Variants in ADAM12 observed in about 807,000 individuals in gnomAD.
ADAM12 encodes the protein ADAM metallopeptidase domain 12, also known as disintegrin and metalloproteinase domain-containing protein 12.
ADAM12 carries 70 observed loss-of-function variants against 106.4 expected under a neutral mutation model. That is an observed-to-expected ratio of 0.66 (90% CI 0.54 to 0.80). The LOEUF is 0.80. ADAM12 is among the 30% of genes least tolerant of loss of function. The pLI is 0.00. For synonymous variants in ADAM12, 420 were observed against 433.5 expected (o/e 0.97, Z 0.39); for missense variants, 1,010 against 1,171.9 (o/e 0.86, Z 2.02).
At chr10:126,218,061 T>G (rs1291605912) in intron 3 of ADAM12, among the ~76,000 whole-genome samples, 1 of 152,072 alleles carries the variant, frequency 6.6e-6, no homozygotes, top group Non-Finnish European at 1.5e-5. Context: ...AAATAAGGAT[T>G]TTTTGGTACT....
Position 126,020,851 on chromosome 10 carries a change from G to T in ADAM12, c.2530-1026C>A, listed in dbSNP as rs1463297697. On this transcript the variant is annotated intron_variant, in intron 21 of 22. Transcript: ENST00000448723. ...ACTAAAAATACCAAAAATTAGCCTA[G>T]CATGGTGGCACATGCCTGTAATCCC... Among the ~76,000 whole-genome samples the T allele has an allele frequency of 5.3e-5, 8 of 151,968 alleles. No homozygotes were observed. In the East Asian group the frequency reaches 1.5e-3, roughly 29 times the overall value.
At chr10:126,134,730 C>T (rs904405818) in intron 5 of ADAM12, among the ~76,000 whole-genome samples, 3 of 152,196 alleles carry the variant, frequency 2.0e-5, no homozygotes, top group Admixed American at 6.5e-5. Context: ...CACACAGAAC[C>T]TGCAAAGACG....
intron 1 of ADAM12, among the ~76,000 whole-genome samples, chr10:126,370,351 T>C (rs1309889208): frequency 6.6e-6 from 1 of 152,238 alleles, no homozygotes; most frequent in East Asian, 1.9e-4. Context: ...TTTACAAGTA[T>C]TTTCTACAGC....
intron 3 of ADAM12, among the ~76,000 whole-genome samples, chr10:126,258,814 C>T (rs1321245717): frequency 6.6e-6 from 1 of 152,142 alleles, no homozygotes; most frequent in Non-Finnish European, 1.5e-5. Flanking sequence ...ACCAAGACAC[C>T]TTTCTTTCCC....
intron 3 of ADAM12, among the ~76,000 whole-genome samples, chr10:126,239,887 A>G (rs1306965293): frequency 6.6e-6 from 1 of 152,238 alleles, no homozygotes; most frequent in Admixed American, 6.5e-5. Flanking sequence ...TGGAATCCAT[A>G]TAGTAGGTCC....
intron 11 of ADAM12, among the ~76,000 whole-genome samples, chr10:126,074,507 G>GAGAAC (rs1475269276): frequency 6.6e-6 from 1 of 152,212 alleles, no homozygotes; most frequent in Non-Finnish European, 1.5e-5. Context: ...TGTAGGAGAG[G>GAGAAC]AGAACAGAAC....
chr10:126,377,192 T>A (rs549868063), intron 1 of ADAM12, among the ~76,000 whole-genome samples: 22 of 152,322 alleles, frequency 1.4e-4, no homozygotes, highest in African/African-American at 5.3e-4. Flanking sequence ...GGCTTCAGTG[T>A]CTGCCCTCTG....
chr10:126,300,046 A>AGAATAAAAATATCTTGAATTCATAAATG (rs1960553934), intron 2 of ADAM12, among the ~76,000 whole-genome samples: 1 of 152,222 alleles, frequency 6.6e-6, no homozygotes, highest in Non-Finnish European at 1.5e-5. Flanking sequence ...TTACCTTTGT[A>AGAATAAAAATATCTTGAATTCATAAATG]GAATAAAAAT....
intron 3 of ADAM12, among the ~76,000 whole-genome samples, chr10:126,253,402 T>C (rs1958824422): frequency 1.3e-5 from 2 of 152,236 alleles, no homozygotes; most frequent in East Asian, 3.9e-4. Context: ...AGTCGTTCCT[T>C]TTAGCATGAT....
chr10:126,234,914 G>A lies in ADAM12; in HGVS notation c.260+44001C>T, dbSNP rs576017238. 3.0e-4 allele frequency among the ~76,000 whole-genome samples: 46 copies of A among 152,336 alleles called. No homozygotes were observed. The South Asian group carries it at 3.3e-3, about 11-fold the overall frequency. ...GGGCACGTGGAGAGACCTACAAATC[G>A]TAAGGTGGCATGAACAAGGCATCAC... On this transcript the variant is annotated intron_variant, in intron 3 of 22. Coordinates refer to ENST00000448723, the MANE Select transcript of ADAM12 (RefSeq NM_001288973.2).
Position 126,043,284 on chromosome 10 carries a change from A to G in ADAM12, c.1996-136T>C. ...AGACTCAGCACACGCCATGGTGCGA[A>G]TAAGCCCAAAGCCGGCACTACACAC... On this transcript the variant is annotated intron_variant, in intron 17 of 22. Transcript: ENST00000448723. The surrounding 1 kb of genome is among the most constrained non-coding windows in gnomAD (Gnocchi z 4.1). The G allele has an allele frequency of 2.5e-6, 2 of 802,440 alleles. No individual in the cohort carries two copies. Among genetic ancestry groups the G allele is most frequent in the Non-Finnish European group, 3.9e-6 (2 of 506,982 alleles). 49.7% of individuals were successfully genotyped at this position (802,440 alleles called of 1,614,324 possible).
chr10:126,212,288 G>A (rs2133838480), intron 3 of ADAM12, among the ~76,000 whole-genome samples: 1 of 152,266 alleles, frequency 6.6e-6, no homozygotes, highest in East Asian at 1.9e-4. Context: ...CAACACAGCT[G>A]GGGTTAATTA....
intron 3 of ADAM12, among the ~76,000 whole-genome samples, chr10:126,240,835 C>T (rs1958507912): frequency 6.6e-6 from 1 of 152,234 alleles, no homozygotes; most frequent in Admixed American, 6.5e-5. Flanking sequence ...CTTCTGAGAA[C>T]AACACAGAGC....
chr10:126,268,155 C>T (rs1459921767), intron 3 of ADAM12, among the ~76,000 whole-genome samples: 1 of 152,164 alleles, frequency 6.6e-6, no homozygotes, highest in Non-Finnish European at 1.5e-5. Context: ...CACCATTCTA[C>T]TTTCTGTTTC....
intron 3 of ADAM12, among the ~76,000 whole-genome samples, chr10:126,217,682 C>T (rs113125382): frequency 0.032 from 4,547 of 142,962 alleles, 210 homozygotes; most frequent in African/African-American, 0.1. Flanking sequence ...ATGTAAATTA[C>T]AATATTTTGG....
chr10:126,335,409 G>C (rs1453811863), intron 1 of ADAM12, among the ~76,000 whole-genome samples: 1 of 152,204 alleles, frequency 6.6e-6, no homozygotes, highest in African/African-American at 2.4e-5. Context: ...AAAGCAAAAA[G>C]TTGGGGCAGC....
intron 3 of ADAM12, among the ~76,000 whole-genome samples, chr10:126,178,408 C>CTTTTTTT (rs10549268): frequency 9.6e-6 from 1 of 103,898 alleles, no homozygotes; most frequent in Non-Finnish European, 2.0e-5. Flanking sequence ...TGGAGGACAT[C>CTTTTTTT]TTTTTTTTTT....
chr10:126,321,905 C>CG (rs4019511), intron 2 of ADAM12, among the ~76,000 whole-genome samples: 4,813 of 93,968 alleles, frequency 0.051, 140 homozygotes, highest in Non-Finnish European at 0.077. Context: ...ACCTGGGGGT[C>CG]GGGGGGGGGG....
At chr10:126,107,764 C>T (rs897366567) in intron 8 of ADAM12, among the ~76,000 whole-genome samples, 1 of 152,136 alleles carries the variant, frequency 6.6e-6, no homozygotes, top group Non-Finnish European at 1.5e-5. Context: ...TCTAACCTCC[C>T]CCCCGCCCTG....
Sources: gnomAD v4.1 joint callset for allele counts (sites outside exome capture counted in the v4.1 genomes callset) on GRCh38, gnomAD v4.1.1 for gene constraint, Gnocchi (gnomAD v3.1) non-coding constraint, MANE v1.5 for transcripts, NCBI Gene and HGNC (gene_info 2026-07-23, HGNC 2026-07-21) for gene names.